The following PRDM2 variants were observed in gnomAD, a reference collection of about 807,000 sequenced individuals.
The protein encoded by PRDM2 is PR/SET domain 2, also known as PR domain zinc finger protein 2.
Under a neutral mutation model 130.0 loss-of-function variants are expected in PRDM2, and 30 were observed. The ratio of observed to expected loss-of-function variants is 0.23; its 90% CI spans 0.17 to 0.31. PRDM2 has a LOEUF of 0.31. PRDM2 is among the 10% of genes least tolerant of loss of function. PRDM2 has a pLI of 1.00. For missense variants in PRDM2, 2,011 were observed against 2,108.4 expected, an observed-to-expected ratio of 0.95 and a Z score of 0.90; for synonymous variants, 871 against 782.4, an observed-to-expected ratio of 1.11 and a Z score of -1.89.
Position 13,749,454 on chromosome 1 carries a change from C to A in PRDM2, c.478C>A (p.Arg160=). 6.7e-7 allele frequency: 1 copy of A among 1,499,600 alleles called. No homozygotes were observed. The allele number at this position is 1,499,600 out of a possible 1,614,324, so 92.9% of individuals were successfully genotyped here. The change falls in exon 6 of 10, where the codon CGG becomes AGG. Residue 160 remains arginine, a synonymous_variant. Coordinates refer to ENST00000311066, the MANE Select transcript of PRDM2 (RefSeq NM_001393986.1). ...GATTGAGGAAGAGCGAGCCAGCGCC[C>A]GGAGCAAGCGGAGCTCCCCCAAGAG... ...AAIEEERASA[R]SKRSSPKSRK...
At chr1:13,717,733 A>G (rs753666024) in intron 2 of PRDM2, among the ~76,000 whole-genome samples, 1 of 151,606 alleles carries the variant, frequency 6.6e-6, no homozygotes, top group Non-Finnish European at 1.5e-5. Flanking sequence ...GACAAGTTTT[A>G]ATATCAGATC....
Position 13,718,252 on chromosome 1 carries a change from A to G in PRDM2, c.9+2638A>G, listed in dbSNP as rs111254907. ...TTATTCTCCCCAGGAATGGATCAGC[A>G]TTGCTTTGATGGGTTTTAATTGTCA... On this transcript the variant is annotated intron_variant, in intron 2 of 9. Coordinates refer to ENST00000311066, the MANE Select transcript of PRDM2 (RefSeq NM_001393986.1). Among the ~76,000 whole-genome samples the G allele has an allele frequency of 4.9e-3, 740 of 152,310 alleles. 8 individuals are homozygous for G. Among genetic ancestry groups the G allele is most frequent in the African/African-American group, 0.017 (706 of 41,568 alleles).
Position 13,780,161 on chromosome 1 carries a change from G to C in PRDM2, c.2366G>C (p.Arg789Thr). The C allele has an allele frequency of 1.9e-6, 3 of 1,602,564 alleles. No homozygotes were observed. Among genetic ancestry groups the C allele is most frequent in the Non-Finnish European group, 2.6e-6 (3 of 1,173,678 alleles). ...SDSPAWSLSGRDERETVSPPC... is the reference protein window; with the variant it reads ...SDSPAWSLSGTDERETVSPPC... ...TCACCAGCATGGAGTTTGTCTGGGA[G>C]AGATGAGAGAGAAACTGTGAGCCCT... The change falls in exon 8 of 10, where the codon AGA (arginine) becomes ACA (threonine). Residue 789 changes from arginine to threonine, a missense_variant. Transcript: ENST00000311066.
intron 1 of PRDM2, among the ~76,000 whole-genome samples, chr1:13,711,879 T>C (rs1240365900): frequency 6.6e-6 from 1 of 152,166 alleles, no homozygotes; most frequent in Non-Finnish European, 1.5e-5. Context: ...AAAGATGTTA[T>C]GATCTTTCTT....
Position 13,781,930 on chromosome 1 carries a change from C to A in PRDM2, c.4135C>A (p.Pro1379Thr). Residue 1379 changes from proline to threonine, a missense_variant, in exon 8 of 10, where the codon CCC becomes ACC. Physicochemically the swap from Pro to Thr is conservative, Grantham distance 38 (BLOSUM62 -1). Around this residue, in one of 5 missense-constraint regions of PRDM2, gnomAD observed 229 missense variants for 364.1 expected, o/e 0.63. Coordinates refer to ENST00000311066, the MANE Select transcript of PRDM2 (RefSeq NM_001393986.1). The surrounding 1 kb of genome is among the most constrained non-coding windows in gnomAD (Gnocchi z 6.1). ...NPVPLKQTVQ[P>T]KNGVVVLDNS... ...AGTACCATTAAAACAAACTGTGCAA[C>A]CCAAAAATGGCGTGGTGGTTTTAGA... is the stretch of plus-strand genomic sequence containing the variant. 1 of 1,614,138 alleles carries A rather than the reference C, an allele frequency of 6.2e-7. No individual in the cohort carries two copies. The highest frequency in any genetic ancestry group is 8.5e-7 in the Non-Finnish European group (1 of 1,180,036).
intron 7 of PRDM2, among the ~76,000 whole-genome samples, chr1:13,777,311 C>T (rs1364301463): frequency 6.6e-6 from 1 of 152,062 alleles, no homozygotes; most frequent in African/African-American, 2.4e-5. Flanking sequence ...TTTCCATCTG[C>T]CTCCACCCTT....
In PRDM2 at chr1:13,724,988, C is replaced by T. The variant is rs376100394; in HGVS notation, c.10-6012C>T. ...TTAAGCCCCCCTGCCTCCCTCCACT[C>T]TTGTAGGTTTGGTCTCTAGGAGTCG... On this transcript the variant is annotated intron_variant, in intron 2 of 9. Coordinates refer to ENST00000311066, the MANE Select transcript of PRDM2 (RefSeq NM_001393986.1). Among the ~76,000 whole-genome samples the T allele has an allele frequency of 2.6e-5, 4 of 152,234 alleles. No individual in the cohort carries two copies. The East Asian group carries it at 7.7e-4, about 29-fold the overall frequency.
chr1:13,749,517 C>T, intron 6 of PRDM2, 30 bp downstream of exon 6: 5 of 1,285,718 alleles, frequency 3.9e-6, no homozygotes, highest in Non-Finnish European at 5.1e-6. Flanking sequence ...CCCGCCCGGC[C>T]CCGGCGCCAC....
At chr1:13,750,746 A>G (rs1010865955) in intron 6 of PRDM2, among the ~76,000 whole-genome samples, 2 of 151,610 alleles carry the variant, frequency 1.3e-5, no homozygotes. Context: ...TTGATCCTGA[A>G]TCAGACGATC....
intron 8 of PRDM2, 144 bp downstream of exon 8, chr1:13,782,975 G>A (rs1273879157): frequency 2.6e-6 from 4 of 1,516,422 alleles, no homozygotes; most frequent in Middle Eastern, 1.8e-4. Flanking sequence ...AGGCATGAAG[G>A]GTCATTGCTT....
In PRDM2 at chr1:13,741,608, G is replaced by A. The variant is rs554817498; in HGVS notation, c.232-397G>A. ...TGGGTGCTGCTGAATACCACTGCAA[G>A]CTGTTTTCCTTTCTAAGTCACACTT... On this transcript the variant is annotated intron_variant, in intron 4 of 9. Coordinates refer to ENST00000311066, the MANE Select transcript of PRDM2 (RefSeq NM_001393986.1). Among the ~76,000 whole-genome samples the A allele has an allele frequency of 2.7e-4, 41 of 152,244 alleles. 2 individuals are homozygous for A. In the South Asian group the frequency reaches 8.1e-3, roughly 30 times the overall value.
At chr1:13,711,456 G>A (rs1050222107) in intron 1 of PRDM2, among the ~76,000 whole-genome samples, 2 of 152,200 alleles carry the variant, frequency 1.3e-5, no homozygotes, top group African/African-American at 4.8e-5. Flanking sequence ...TTGAGAATGT[G>A]TGTACGTATT....
intron 8 of PRDM2, among the ~76,000 whole-genome samples, chr1:13,794,268 T>G (rs1333728941): frequency 6.6e-6 from 1 of 152,186 alleles, no homozygotes; most frequent in Non-Finnish European, 1.5e-5. Context: ...TCTGTCACAC[T>G]GCCTGGTCCC....
intron 6 of PRDM2, among the ~76,000 whole-genome samples, chr1:13,765,068 C>T (rs987185329): frequency 2.6e-5 from 4 of 152,190 alleles, no homozygotes; most frequent in African/African-American, 9.7e-5. Flanking sequence ...GCTTGCTTTG[C>T]CACTGATCGC....
At chr1:13,804,173 A>G (rs1438737914) in intron 8 of PRDM2, among the ~76,000 whole-genome samples, 1 of 152,148 alleles carries the variant, frequency 6.6e-6, no homozygotes, top group Non-Finnish European at 1.5e-5. Flanking sequence ...AAGACAGCGC[A>G]TGGGCCAGTG....
At chr1:13,783,405 C>T (rs1433966043) in intron 8 of PRDM2, among the ~76,000 whole-genome samples, 5 of 152,228 alleles carry the variant, frequency 3.3e-5, no homozygotes, top group Non-Finnish European at 7.3e-5. Flanking sequence ...CTCCTGAACT[C>T]AGCCGTAGGA....
At chr1:13,772,987 C>T in intron 6 of PRDM2, 91 bp from the exon 7 acceptor site, 1 of 729,304 alleles carries the variant, frequency 1.4e-6, no homozygotes, top group Non-Finnish European at 2.2e-6. Context: ...TAATAATTAT[C>T]TTCAGTAATT....
At chr1:13,728,328 A>G (rs895458177) in intron 2 of PRDM2, among the ~76,000 whole-genome samples, 4 of 152,226 alleles carry the variant, frequency 2.6e-5, no homozygotes, top group African/African-American at 7.2e-5. Flanking sequence ...ACAAATAAGC[A>G]TTTAAAATTG....
chr1:13,811,016 T>C (rs1435806431), intron 8 of PRDM2, among the ~76,000 whole-genome samples: 1 of 151,742 alleles, frequency 6.6e-6, no homozygotes, highest in Admixed American at 6.6e-5. Context: ...AAACCCCGTC[T>C]CTACTAAAAA....
Sources: allele counts gnomAD v4.1 joint callset (sites outside exome capture counted in the v4.1 genomes callset), GRCh38; gene constraint gnomAD v4.1.1; regional missense constraint gnomAD v4.1.1; non-coding constraint Gnocchi (gnomAD v3.1); transcripts MANE v1.5; gene names NCBI Gene and HGNC (gene_info 2026-07-23, HGNC 2026-07-21).